The following RARB variants were observed in gnomAD, a reference collection of about 807,000 sequenced individuals.
The protein encoded by RARB is HBV-activated protein.
In RARB, 17 loss-of-function variants were observed where a neutral mutation model predicts 51.9. The ratio of observed to expected loss-of-function variants is 0.33; its 90% CI spans 0.22 to 0.49. The LOEUF (loss-of-function observed/expected upper bound fraction) is 0.49, where lower values mean the gene tolerates loss of function less well. Ranked by LOEUF, RARB falls within the 20% of genes least tolerant of loss-of-function variation. RARB has a pLI of 0.99. For synonymous variants in RARB, 215 were observed against 195.4 expected, an observed-to-expected ratio of 1.10 and a Z score of -0.84; for missense variants, 369 against 550.8, an observed-to-expected ratio of 0.67 and a Z score of 3.30.
intron 5 of RARB, among the ~76,000 whole-genome samples, chr3:25,182,744 G>T (rs868190049): frequency 7.2e-5 from 11 of 152,252 alleles, no homozygotes; most frequent in South Asian, 2.1e-4. Flanking sequence ...GGATTAAATT[G>T]TGTCCTCTAA....
chr3:25,575,829 A>G (rs1208095210), intron 4 of RARB, among the ~76,000 whole-genome samples: 1 of 152,186 alleles, frequency 6.6e-6, no homozygotes, highest in Non-Finnish European at 1.5e-5. Context: ...CATCTTTTTG[A>G]GGAACACAGT....
intron 2 of RARB, among the ~76,000 whole-genome samples, chr3:24,936,748 T>A (rs1172921074): frequency 2.6e-5 from 4 of 152,246 alleles, no homozygotes; most frequent in Non-Finnish European, 5.9e-5. Context: ...ACAGTACCAT[T>A]CTTCTTTGTG....
intron 5 of RARB, among the ~76,000 whole-genome samples, chr3:25,200,869 G>A (rs1428777479): frequency 6.6e-6 from 1 of 152,184 alleles, no homozygotes; most frequent in South Asian, 2.1e-4. Flanking sequence ...TTGAAGTCAG[G>A]TAGCATGATA....
intron 2 of RARB, among the ~76,000 whole-genome samples, chr3:25,053,574 C>G (rs1698379991): frequency 6.6e-6 from 1 of 152,176 alleles, no homozygotes; most frequent in African/African-American, 2.4e-5. Flanking sequence ...TTCCTCTAGG[C>G]ATCTGTAAGC....
rs116823168 is a variant in RARB, at chr3:25,054,492, G to C, written c.-379-5633G>C. Among the ~76,000 whole-genome samples, 685 of 152,262 alleles carry C rather than the reference G, an allele frequency of 4.5e-3. 6 individuals carry two copies. The highest frequency in any genetic ancestry group is 0.016 in the African/African-American group (648 of 41,568). Reference sequence around the variant, plus strand: ...GATGGTGGTGTTTGGTGTGAACCATGATCTCACTTTGTATATCTGGATTTG... The same window carrying C: ...GATGGTGGTGTTTGGTGTGAACCATCATCTCACTTTGTATATCTGGATTTG... On this transcript the variant is annotated intron_variant, in intron 2 of 11. Coordinates refer to the RARB transcript ENST00000383772.
At chr3:25,547,797 G>A (rs947800789) in intron 3 of RARB, among the ~76,000 whole-genome samples, 7 of 152,044 alleles carry the variant, frequency 4.6e-5, no homozygotes, top group Non-Finnish European at 1.0e-4. Flanking sequence ...GATAGACGGT[G>A]GGTGGATGGA....
intron 5 of RARB, among the ~76,000 whole-genome samples, chr3:25,235,988 T>G (rs192379952): frequency 6.6e-6 from 1 of 152,268 alleles, no homozygotes; most frequent in Admixed American, 6.5e-5. Context: ...TTATAAGATT[T>G]TAAACCTCAA....
chr3:24,834,358 C>CA (rs1251267991), intron 1 of RARB, among the ~76,000 whole-genome samples: 3 of 152,050 alleles, frequency 2.0e-5, no homozygotes, highest in Non-Finnish European at 4.4e-5. Context: ...TTGGCCAGCA[C>CA]AGTACATATA....
intron 5 of RARB, among the ~76,000 whole-genome samples, chr3:25,210,562 G>GAT (rs1433776660): frequency 4.2e-5 from 1 of 23,572 alleles, no homozygotes; most frequent in African/African-American, 8.8e-5. Flanking sequence ...TTGAGATTGA[G>GAT]TCTCACTCTG....
intron 3 of RARB, among the ~76,000 whole-genome samples, chr3:25,521,376 A>G (rs1194562418): frequency 6.6e-6 from 1 of 152,154 alleles, no homozygotes; most frequent in Non-Finnish European, 1.5e-5. Context: ...ATCCAAACTC[A>G]TCACACACGT....
intron 3 of RARB, among the ~76,000 whole-genome samples, chr3:25,557,014 A>G (rs557506063): frequency 2.3e-4 from 35 of 152,328 alleles, no homozygotes; most frequent in African/African-American, 8.4e-4. Flanking sequence ...GTAGGTCAAC[A>G]AATTACATGG....
chr3:25,020,802 T>C (rs903345609), intron 2 of RARB, among the ~76,000 whole-genome samples: 1 of 152,104 alleles, frequency 6.6e-6, no homozygotes, highest in Non-Finnish European at 1.5e-5. Context: ...TAAAATATTT[T>C]AGATTTTTCT....
intron 3 of RARB, among the ~76,000 whole-genome samples, chr3:25,531,361 CAGAT>C (rs1438436128): frequency 1.4e-5 from 2 of 142,884 alleles, no homozygotes; most frequent in South Asian, 2.2e-4. Context: ...GATCGATATA[CAGAT>C]AGATAGGTAG....
intron 2 of RARB, among the ~76,000 whole-genome samples, chr3:24,861,460 AAAAT>A (rs1702745650): frequency 6.6e-6 from 1 of 152,120 alleles, no homozygotes; most frequent in South Asian, 2.1e-4. Context: ...TTCCTAGAAA[AAAAT>A]AATCAAGGAC....
intron 3 of RARB, among the ~76,000 whole-genome samples, chr3:25,084,328 C>G (rs1313959831): frequency 6.6e-6 from 1 of 152,110 alleles, no homozygotes; most frequent in Non-Finnish European, 1.5e-5. Flanking sequence ...TGTGTTTTGT[C>G]CAGATTTATA....
At chr3:25,079,656 TTACTC>T (rs990597152) in intron 3 of RARB, among the ~76,000 whole-genome samples, 2 of 152,196 alleles carry the variant, frequency 1.3e-5, no homozygotes, top group African/African-American at 4.8e-5. Flanking sequence ...TTTTTCTTCT[TTACTC>T]TGTTAATGTG....
chr3:25,046,276 A>C lies in RARB; in HGVS notation c.-379-13849A>C, dbSNP rs181518190. On this transcript the variant is annotated intron_variant, in intron 2 of 11. Transcript: ENST00000383772. ...ATTTTCTTGCATATGCCTTTGAAAA[A>C]CTGCAGAAAAGGATCAAAATAGTCA... Among the ~76,000 whole-genome samples the C allele has an allele frequency of 5.2e-3, 791 of 152,278 alleles. 6 individuals carry two copies. The highest frequency in any genetic ancestry group is 7.9e-3 in the Non-Finnish European group (538 of 68,020).
At chr3:25,208,818 G>C (rs1248542714) in intron 5 of RARB, among the ~76,000 whole-genome samples, 3 of 152,122 alleles carry the variant, frequency 2.0e-5, no homozygotes, top group Non-Finnish European at 4.4e-5. Context: ...CCAGGGGAAG[G>C]TGACCTGGAC....
At chr3:25,457,343 C>T (rs538182410) in intron 1 of RARB, among the ~76,000 whole-genome samples, 13 of 152,306 alleles carry the variant, frequency 8.5e-5, no homozygotes, top group Non-Finnish European at 1.0e-4. Flanking sequence ...TTATGTCACT[C>T]AGCCAAACAA....
Sources: gnomAD v4.1 joint callset for allele counts (sites outside exome capture counted in the v4.1 genomes callset) on GRCh38, gnomAD v4.1.1 for gene constraint, MANE v1.5 for transcripts, NCBI Gene and HGNC (gene_info 2026-07-23, HGNC 2026-07-21) for gene names.